Variants in USP10 observed in about 807,000 individuals in gnomAD.
USP10 encodes the protein ubiquitin specific peptidase 10.
USP10 carries 22 observed loss-of-function variants against 84.5 expected under a neutral mutation model. The ratio of observed to expected loss-of-function variants is 0.26; its 90% CI spans 0.19 to 0.37. The LOEUF (loss-of-function observed/expected upper bound fraction) is 0.37, where lower values mean the gene tolerates loss of function less well. Among genes scored for constraint, USP10 ranks in the 10% least tolerant of loss-of-function variants. USP10 has a pLI of 1.00. For missense variants in USP10, 1,019 were observed against 998.9 expected (o/e 1.02, Z -0.27); for synonymous variants, 454 against 387.6 (o/e 1.17, Z -2.01).
At chr16:84,701,117 T>C (rs1904808865) in intron 1 of USP10, among the ~76,000 whole-genome samples, 1 of 152,220 alleles carries the variant, frequency 6.6e-6, no homozygotes, top group Non-Finnish European at 1.5e-5. Context: ...AGTAAAATCA[T>C]AACCCTTCAT....
intron 9 of USP10, among the ~76,000 whole-genome samples, chr16:84,763,501 A>G (rs1157434663): frequency 6.6e-6 from 1 of 152,366 alleles, no homozygotes; most frequent in Middle Eastern, 3.4e-3. Flanking sequence ...TGCAGCTAAC[A>G]GTTTAGTTCA....
chr16:84,772,720 G>A, intron 12 of USP10, 35 bp downstream of exon 12: 2 of 1,610,944 alleles, frequency 1.2e-6, no homozygotes, highest in Non-Finnish European at 1.7e-6. Flanking sequence ...TGTTCGTGGT[G>A]ACACACTCCT....
chr16:84,711,950 C>T (rs934840130), intron 1 of USP10, among the ~76,000 whole-genome samples: 1 of 151,944 alleles, frequency 6.6e-6, no homozygotes, highest in African/African-American at 2.4e-5. Flanking sequence ...GAACTCTTGA[C>T]CTGAAGTGAT....
chr16:84,704,717 G>C, intron 1 of USP10: 5 of 1,499,428 alleles, frequency 3.3e-6, no homozygotes, highest in African/African-American at 1.4e-5. Context: ...TTCTGAACTG[G>C]CTATTTTCTG....
At chr16:84,737,283 A>G (rs1910062277) in intron 2 of USP10, among the ~76,000 whole-genome samples, 1 of 152,256 alleles carries the variant, frequency 6.6e-6, no homozygotes, top group African/African-American at 2.4e-5. Context: ...CTATTAATAG[A>G]TGACAGTTTT....
rs377254205 is a variant in USP10, at chr16:84,768,281, C to G, written c.1921C>G (p.Arg641Gly). 3 of 1,608,052 alleles carry G rather than the reference C, an allele frequency of 1.9e-6. No individual in the cohort carries two copies. The highest frequency in any genetic ancestry group is 1.7e-5 in the Admixed American group (1 of 59,100). ...LQLDIQSDKIRTVQDALESLV... is the reference protein window; with the variant it reads ...LQLDIQSDKIGTVQDALESLV... ...GTTGGATATCCAGTCAGACAAGATA[C>G]GCACAGTCCAGGATGCACTGGAGAG... Residue 641 changes from arginine to glycine, a missense_variant, in exon 11 of 14, where the codon CGC becomes GGC. Coordinates refer to ENST00000219473, the MANE Select transcript of USP10 (RefSeq NM_005153.3).
rs918088723 is a variant in USP10, at chr16:84,751,681, T to C, written c.1192+6008T>C. Among the ~76,000 whole-genome samples the C allele has an allele frequency of 5.9e-5, 9 of 152,202 alleles. No homozygotes were observed. In the South Asian group the frequency reaches 1.7e-3, roughly 28 times the overall value. On this transcript the variant is annotated intron_variant, in intron 4 of 13. Transcript: ENST00000219473. ...CCAAGATAGTGTGTGTTCTTCCAAATTGATGGTAATGAGGAAAAGAAAAGC... is the reference window on the plus strand; with the variant it reads ...CCAAGATAGTGTGTGTTCTTCCAAACTGATGGTAATGAGGAAAAGAAAAGC...
chr16:84,731,638 G>A (rs1341642439), intron 1 of USP10, among the ~76,000 whole-genome samples: 1 of 152,004 alleles, frequency 6.6e-6, no homozygotes, highest in East Asian at 1.9e-4. Context: ...CTTTTTTCTC[G>A]AAACTTTCAA....
At chr16:84,749,308 T>G (rs1293025029) in intron 4 of USP10, among the ~76,000 whole-genome samples, 4 of 152,240 alleles carry the variant, frequency 2.6e-5, no homozygotes, top group Non-Finnish European at 5.9e-5. Context: ...TAAGCAGCGT[T>G]TAACTGAGTG....
At chr16:84,749,379 A>T (rs761144590) in intron 4 of USP10, among the ~76,000 whole-genome samples, 1 of 152,196 alleles carries the variant, frequency 6.6e-6, no homozygotes, top group Non-Finnish European at 1.5e-5. Flanking sequence ...GACTTGCATT[A>T]GTATCTAACT....
chr16:84,736,896 C>T (rs908485579), intron 2 of USP10, among the ~76,000 whole-genome samples: 3 of 152,260 alleles, frequency 2.0e-5, no homozygotes, highest in African/African-American at 7.2e-5. Context: ...TCACACCATT[C>T]TCCTGCCTCA....
chr16:84,759,694 C>A, intron 6 of USP10, 197 bp from the exon 7 acceptor site: 1 of 681,262 alleles, frequency 1.5e-6, no homozygotes, highest in Non-Finnish European at 2.5e-6. Flanking sequence ...AATATTTTAG[C>A]GTTTACCAGC....
rs752049923 is a variant in USP10, at chr16:84,745,360, G to A, written c.879G>A (p.Ser293=). The change falls in exon 4 of 14, where the codon TCG becomes TCA. Residue 293 remains serine, a synonymous_variant. Coordinates refer to ENST00000219473, the MANE Select transcript of USP10 (RefSeq NM_005153.3). Reference sequence around the variant, plus strand: ...CTAATGGACAAATACTTGAATCCTCGGGTGAGGGCACAGCTACCAACGGGG... The same window carrying A: ...CTAATGGACAAATACTTGAATCCTCAGGTGAGGGCACAGCTACCAACGGGG... ...GVANGQILES[S]GEGTATNGVE... is the part of the protein sequence containing the mutation. 20 of 1,613,068 alleles carry A rather than the reference G, an allele frequency of 1.2e-5. No individual in the cohort carries two copies. The East Asian group carries it at 1.6e-4, about 13-fold the overall frequency.
In USP10 at chr16:84,764,067, C is replaced by A. The variant is rs780167167; in HGVS notation, c.1655-19C>A. 14 of 1,605,860 alleles carry A rather than the reference C, an allele frequency of 8.7e-6. No homozygotes were observed. Among genetic ancestry groups the A allele is most frequent in the Non-Finnish European group, 1.2e-5 (14 of 1,176,652 alleles). ...TTCTTGTCGTAAATAGTAGTGTAAG[C>A]AGATGCTCTCCTTTTCAGAACTTAC... On this transcript the variant is annotated intron_variant, in intron 9 of 13. Transcript: ENST00000219473.
chr16:84,711,193 C>G (rs1270008133), intron 1 of USP10, among the ~76,000 whole-genome samples: 1 of 152,172 alleles, frequency 6.6e-6, no homozygotes, highest in African/African-American at 2.4e-5. Context: ...AGCATTTACC[C>G]AGTACTTGCT....
chr16:84,703,866 C>A (rs1905176004), intron 1 of USP10, among the ~76,000 whole-genome samples: 1 of 152,184 alleles, frequency 6.6e-6, no homozygotes, highest in Non-Finnish European at 1.5e-5. Flanking sequence ...GAGCACAGCG[C>A]ACTGAAATTC....
chr16:84,752,682 G>T (rs62050882), intron 4 of USP10, among the ~76,000 whole-genome samples: 7 of 152,246 alleles, frequency 4.6e-5, no homozygotes, highest in African/African-American at 1.7e-4. Flanking sequence ...AACATAATTC[G>T]GTCTGGTCTT....
chr16:84,749,745 T>G (rs1911682759), intron 4 of USP10, among the ~76,000 whole-genome samples: 1 of 152,194 alleles, frequency 6.6e-6, no homozygotes, highest in Admixed American at 6.5e-5. Context: ...AGAAGGCAGA[T>G]GGACTAAAAG....
intron 12 of USP10, among the ~76,000 whole-genome samples, chr16:84,774,621 C>T (rs114183169): frequency 0.025 from 3,771 of 152,084 alleles, 171 homozygotes; most frequent in African/African-American, 0.086. Context: ...CAGCCGCGTG[C>T]CACCACGCCC....
Sources: gnomAD v4.1 joint callset for allele counts (sites outside exome capture counted in the v4.1 genomes callset) on GRCh38, gnomAD v4.1.1 for gene constraint, MANE v1.5 for transcripts, NCBI Gene and HGNC (gene_info 2026-07-23, HGNC 2026-07-21) for gene names.